The following DDHD1 variants were observed in gnomAD, a reference collection of about 807,000 sequenced individuals.
DDHD1 encodes the protein phospholipase DDHD1.
DDHD1 carries 49 observed loss-of-function variants against 96.4 expected under a neutral mutation model. The observed-to-expected ratio is 0.51, with a 90% CI of 0.40 to 0.64. The LOEUF is 0.64. DDHD1 is among the 30% of genes least tolerant of loss of function. DDHD1 has a pLI of 0.00. For synonymous variants in DDHD1, 442 were observed against 446.5 expected, an observed-to-expected ratio of 0.99 and a Z score of 0.13; for missense variants, 1,106 against 1,161.2, an observed-to-expected ratio of 0.95 and a Z score of 0.69.
At chr14:53,062,035 C>CA (rs779302322) in intron 7 of DDHD1, among the ~76,000 whole-genome samples, 27,058 of 75,562 alleles carry the variant, frequency 0.36, 3,162 homozygotes, top group East Asian at 0.47. Flanking sequence ...ACTCCGTCTC[C>CA]AAAAAAAAAA....
rs1481812144 is a variant in DDHD1 at position 53,040,813 on chromosome 14, T to G, written c.*5955A>C. 6.6e-6 allele frequency: 1 copy of G among 151,832 alleles called. No individual in the cohort carries two copies. 9.4% of individuals were successfully genotyped at this position (151,832 alleles called of 1,614,324 possible). ...GTTGTGATTGCAGTCATTGACAACA[T>G]TTAGTAGTGTTAGAGAGAGTGAACA... On this transcript the variant is annotated 3_prime_UTR_variant, in exon 13 of 13. Coordinates refer to ENST00000673822, the MANE Select transcript of DDHD1 (RefSeq NM_001160148.2).
chr14:53,101,534 C>G (rs559770749), intron 2 of DDHD1, among the ~76,000 whole-genome samples: 1 of 152,060 alleles, frequency 6.6e-6, no homozygotes, highest in East Asian at 1.9e-4. Context: ...CAAAAGTGTT[C>G]TAATAATTTA....
chr14:53,142,882 G>C (rs1368437353), intron 1 of DDHD1, among the ~76,000 whole-genome samples: 1 of 152,168 alleles, frequency 6.6e-6, no homozygotes, highest in Non-Finnish European at 1.5e-5. Context: ...TGATTATCAA[G>C]ATGGCAGGCC....
chr14:53,071,802 C>A (rs565548021), intron 6 of DDHD1, among the ~76,000 whole-genome samples: 41 of 152,094 alleles, frequency 2.7e-4, no homozygotes, highest in Admixed American at 5.9e-4. Context: ...CCAGGAAAGT[C>A]AAAATAATCA....
intron 1 of DDHD1, among the ~76,000 whole-genome samples, chr14:53,136,415 G>C (rs1890248056): frequency 6.6e-6 from 1 of 152,196 alleles, no homozygotes; most frequent in African/African-American, 2.4e-5. Context: ...TTTTGAAACA[G>C]CTAAGAGTTC....
rs372126740 is a variant in DDHD1, at chr14:53,153,253, C to G, written c.-155G>C. 3.3e-6 allele frequency: 2 copies of G among 605,066 alleles called. No individual in the cohort carries two copies. The highest frequency in any genetic ancestry group is 5.0e-6 in the Non-Finnish European group (2 of 398,654). 37.5% of individuals were successfully genotyped at this position (605,066 alleles called of 1,614,324 possible). ...GCGGCAGCGGCGACCGCTCCGCCCC[C>G]ACGAGACCCGCAGCCGCCGCAGCTG... On this transcript the variant is annotated 5_prime_UTR_variant, in exon 1 of 13. Transcript: ENST00000673822.
At chr14:53,128,079 A>G (rs965652265) in intron 1 of DDHD1, among the ~76,000 whole-genome samples, 7 of 152,056 alleles carry the variant, frequency 4.6e-5, no homozygotes, top group Admixed American at 6.6e-5. Context: ...TCTTCGCTCT[A>G]TATTTCTCTC....
intron 1 of DDHD1, among the ~76,000 whole-genome samples, chr14:53,123,119 T>C (rs1445364946): frequency 1.6e-4 from 1 of 6,432 alleles, no homozygotes; most frequent in East Asian, 3.5e-3. Flanking sequence ...ATTGCTGTTA[T>C]TATTATTATT....
At chr14:53,133,646 A>C (rs1002769529) in intron 1 of DDHD1, among the ~76,000 whole-genome samples, 2 of 152,172 alleles carry the variant, frequency 1.3e-5, no homozygotes, top group African/African-American at 2.4e-5. Context: ...GGGATGCTAC[A>C]GGGTACAGCC....
At chr14:53,091,257 T>G (rs1169947129) in intron 4 of DDHD1, among the ~76,000 whole-genome samples, 3 of 152,232 alleles carry the variant, frequency 2.0e-5, no homozygotes, top group African/African-American at 7.2e-5. Flanking sequence ...TTAAAAAGTT[T>G]CAGGATAAAG....
chr14:53,083,870 C>G (rs1485519913), intron 4 of DDHD1, among the ~76,000 whole-genome samples: 1 of 152,110 alleles, frequency 6.6e-6, no homozygotes, highest in East Asian at 1.9e-4. Context: ...ATTAACCTGT[C>G]TACGAAGAAA....
At chr14:53,110,900 C>T (rs1260510841) in intron 1 of DDHD1, among the ~76,000 whole-genome samples, 3 of 152,096 alleles carry the variant, frequency 2.0e-5, no homozygotes, top group African/African-American at 7.2e-5. Context: ...CTCTTGAACC[C>T]GGGAGGCGGA....
At chr14:53,115,469 T>A (rs1367821907) in intron 1 of DDHD1, among the ~76,000 whole-genome samples, 1 of 152,034 alleles carries the variant, frequency 6.6e-6, no homozygotes, top group Non-Finnish European at 1.5e-5. Flanking sequence ...GTTAAGGGCA[T>A]CCAGAGAGAA....
Position 53,091,734 on chromosome 14 carries a change from C to G in DDHD1, c.1289+51G>C, listed in dbSNP as rs377339131. ...TGTTAATATCTCTTATACCCTGGATCAAAGTTTGGATTCTAGATTAGATAT... is the reference window on the plus strand; with the variant it reads ...TGTTAATATCTCTTATACCCTGGATGAAAGTTTGGATTCTAGATTAGATAT... On this transcript the variant is annotated intron_variant, in intron 4 of 12. Transcript: ENST00000673822. 184 of 1,578,726 alleles carry G rather than the reference C, an allele frequency of 1.2e-4. 1 individual carries two copies. The East Asian group carries it at 2.0e-3, about 18-fold the overall frequency.
intron 6 of DDHD1, among the ~76,000 whole-genome samples, chr14:53,071,949 C>A (rs1884544403): frequency 6.6e-6 from 1 of 152,102 alleles, no homozygotes; most frequent in South Asian, 2.1e-4. Flanking sequence ...AATGAGCAAG[C>A]CTCAAAACCT....
chr14:53,088,892 C>T (rs1211415978), intron 4 of DDHD1, among the ~76,000 whole-genome samples: 2 of 152,274 alleles, frequency 1.3e-5, no homozygotes, highest in East Asian at 1.9e-4. Flanking sequence ...TCCCTACTTG[C>T]AGATGACATG....
chr14:53,096,219 C>T, intron 2 of DDHD1: 2 of 982,856 alleles, frequency 2.0e-6, no homozygotes, highest in Non-Finnish European at 2.4e-6. Context: ...TGGTAGACAA[C>T]TAAGAAAGCA....
intron 6 of DDHD1, among the ~76,000 whole-genome samples, chr14:53,071,619 T>C (rs573210807): frequency 2.1e-4 from 32 of 152,096 alleles, no homozygotes; most frequent in Non-Finnish European, 4.1e-4. Flanking sequence ...AAATCTTACC[T>C]GGGATTCCTG....
chr14:53,037,679 A>G lies in DDHD1; in HGVS notation c.*9089T>C, dbSNP rs140803764. 6.0e-4 allele frequency: 92 copies of G among 152,116 alleles called. No individual in the cohort carries two copies. Among genetic ancestry groups the G allele is most frequent in the African/African-American group, 2.1e-3 (89 of 41,482 alleles). 9.4% of individuals were successfully genotyped at this position (152,116 alleles called of 1,614,324 possible). A position where few individuals can be genotyped will look rare whatever the true frequency, so the allele number is the denominator to read the frequency against. On this transcript the variant is annotated 3_prime_UTR_variant, in exon 13 of 13. Coordinates refer to ENST00000673822, the MANE Select transcript of DDHD1 (RefSeq NM_001160148.2). ...TTGCAAATATTTTCTCCAATTCTGT[A>G]TGTTGTCTGTTTACTCTGTTGATAG...
Sources: gnomAD v4.1 joint callset for allele counts (sites outside exome capture counted in the v4.1 genomes callset) on GRCh38, gnomAD v4.1.1 for gene constraint, MANE v1.5 for transcripts, NCBI Gene and HGNC (gene_info 2026-07-23, HGNC 2026-07-21) for gene names.